The following TMPRSS7 variants were observed in gnomAD, a reference collection of about 807,000 sequenced individuals.
TMPRSS7 encodes the protein transmembrane protease serine 7.
A neutral mutation model predicts 95.6 loss-of-function variants in TMPRSS7; 81 were observed. The observed-to-expected ratio is 0.85, with a 90% CI of 0.71 to 1.02. TMPRSS7 has a LOEUF of 1.02. Among genes scored for constraint, TMPRSS7 ranks in the 50% least tolerant of loss-of-function variants. TMPRSS7 has a pLI of 0.00. For synonymous variants in TMPRSS7, 364 were observed against 337.8 expected (o/e 1.08, Z -0.85); for missense variants, 945 against 955.2 (o/e 0.99, Z 0.14).
intron 1 of TMPRSS7, among the ~76,000 whole-genome samples, chr3:112,035,342 TTCCTGCAGGACA>T (rs1366345434): frequency 6.6e-6 from 1 of 152,222 alleles, no homozygotes; most frequent in Non-Finnish European, 1.5e-5. Flanking sequence ...CCAGTCCTCA[TTCCTGCAGGACA>T]CCACATTAAA....
At position 112,057,130 on chromosome 3, in the gene TMPRSS7, A is replaced by G; in HGVS notation, c.1309A>G (p.Met437Val). The change falls in exon 10 of 18, where the codon ATG becomes GTG. Residue 437 changes from methionine (M) to valine (V), a missense_variant and splice_region_variant. Transcript: ENST00000452346. Reference sequence around the variant, plus strand: ...TGGATGGTGGGAAATTAATGAGCACATGTAAGTGATTTTCATATGTTTTCA... The same window carrying G: ...TGGATGGTGGGAAATTAATGAGCACGTGTAAGTGATTTTCATATGTTTTCA... 1 of 1,600,126 alleles carries G rather than the reference A, an allele frequency of 6.2e-7. No individual in the cohort carries two copies. Among genetic ancestry groups the G allele is most frequent in the Non-Finnish European group, 8.6e-7 (1 of 1,168,484 alleles).
At chr3:112,037,624 C>T (rs9862289) in intron 1 of TMPRSS7, among the ~76,000 whole-genome samples, 33,079 of 152,110 alleles carry the variant, frequency 0.22, 4,523 homozygotes, top group Middle Eastern at 0.34. Flanking sequence ...TCATACACTA[C>T]CTCCCCTTTG....
At chr3:112,079,232 T>A (rs2073749582) in intron 17 of TMPRSS7, among the ~76,000 whole-genome samples, 1 of 152,216 alleles carries the variant, frequency 6.6e-6, no homozygotes, top group Non-Finnish European at 1.5e-5. Flanking sequence ...TACTCATTCC[T>A]TTGAAGTATA....
chr3:112,057,275 G>C, intron 10 of TMPRSS7, 144 bp downstream of exon 10: 1 of 610,736 alleles, frequency 1.6e-6, no homozygotes, highest in African/African-American at 1.9e-5. Context: ...CTTGCTCAAG[G>C]CCATGCAGCT....
At chr3:112,045,380 T>C (rs549209807) in intron 4 of TMPRSS7, among the ~76,000 whole-genome samples, 1 of 152,306 alleles carries the variant, frequency 6.6e-6, no homozygotes, top group African/African-American at 2.4e-5. Flanking sequence ...ACTCCTGACC[T>C]CAGGTGATCT....
intron 9 of TMPRSS7, among the ~76,000 whole-genome samples, chr3:112,053,006 G>T (rs2073381453): frequency 6.6e-6 from 1 of 152,042 alleles, no homozygotes; most frequent in African/African-American, 2.4e-5. Context: ...GGAAACAGCA[G>T]GACAAACGTG....
chr3:112,049,441 G>A (rs908010406), intron 7 of TMPRSS7, among the ~76,000 whole-genome samples: 9 of 152,134 alleles, frequency 5.9e-5, no homozygotes, highest in South Asian at 2.1e-4. Flanking sequence ...CTACCATTGC[G>A]TAGAAGAGAA....
intron 3 of TMPRSS7, among the ~76,000 whole-genome samples, chr3:112,043,378 A>G (rs533859859): frequency 1.5e-4 from 23 of 152,152 alleles, no homozygotes; most frequent in Non-Finnish European, 2.8e-4. Context: ...GTGGCATATG[A>G]CTGTATACCA....
At chr3:112,069,986 C>T (rs1040282081) in intron 13 of TMPRSS7, among the ~76,000 whole-genome samples, 1 of 152,196 alleles carries the variant, frequency 6.6e-6, no homozygotes, top group Non-Finnish European at 1.5e-5. Flanking sequence ...TTTCCCTCTA[C>T]ACACCGCTTT....
intron 9 of TMPRSS7, among the ~76,000 whole-genome samples, chr3:112,055,653 G>C (rs893518907): frequency 6.6e-6 from 1 of 151,994 alleles, no homozygotes; most frequent in East Asian, 1.9e-4. Context: ...ATTCAATAAG[G>C]CTGAACAAAA....
chr3:112,081,154 T>C, exon 18 of TMPRSS7: 2 of 1,473,512 alleles, frequency 1.4e-6, no homozygotes, highest in Non-Finnish European at 1.8e-6. Flanking sequence ...AGTAATTGGC[T>C]GGGTGCGCTG....
At chr3:112,065,360 T>C (rs1186117530) in intron 12 of TMPRSS7, among the ~76,000 whole-genome samples, 5 of 152,220 alleles carry the variant, frequency 3.3e-5, no homozygotes, top group African/African-American at 7.2e-5. Flanking sequence ...ATTTTTTTAA[T>C]TGACAAAACA....
chr3:112,047,162 G>A, intron 6 of TMPRSS7, 150 bp downstream of exon 6: 1 of 632,824 alleles, frequency 1.6e-6, no homozygotes, highest in Non-Finnish European at 2.8e-6. Flanking sequence ...AAAGAAACTT[G>A]ACTGGCTCAT....
In TMPRSS7 at chr3:112,061,869, A is replaced by T. The variant is rs182776846; in HGVS notation, c.1393A>T (p.Arg465Trp). 8.4e-4 allele frequency: 1,357 copies of T among 1,612,120 alleles called. 12 individuals carry two copies. The African/African-American group carries it at 0.017, about 20-fold the overall frequency. Residue 465 changes from arginine (R) to tryptophan (W), a missense_variant, in exon 11 of 18, where the codon AGG becomes TGG. Transcript: ENST00000452346. ...TCACATTCAGCTCCAGTGCAGTTCA[A>T]GGCTTTCAGACAAGCCACTTTTGGC...
chr3:112,074,612 C>G (rs760585751), intron 14 of TMPRSS7, among the ~76,000 whole-genome samples, 200 bp downstream of exon 14: 1 of 152,180 alleles, frequency 6.6e-6, no homozygotes, highest in Non-Finnish European at 1.5e-5. Flanking sequence ...TTCTTGATAA[C>G]AGCATTAATG....
chr3:112,040,586 C>A (rs1373128767), intron 2 of TMPRSS7, among the ~76,000 whole-genome samples: 1 of 152,128 alleles, frequency 6.6e-6, no homozygotes, highest in East Asian at 1.9e-4. Flanking sequence ...ACACACACAA[C>A]CCCAACCCAG....
At chr3:112,066,691 C>T (rs2073580242) in intron 13 of TMPRSS7, among the ~76,000 whole-genome samples, 189 bp downstream of exon 13, 1 of 152,004 alleles carries the variant, frequency 6.6e-6, no homozygotes, top group Non-Finnish European at 1.5e-5. Flanking sequence ...CAAATAGGGA[C>T]AGTTGGTCAC....
chr3:112,068,311 C>G (rs927190103), intron 13 of TMPRSS7, among the ~76,000 whole-genome samples: 2 of 152,176 alleles, frequency 1.3e-5, no homozygotes, highest in African/African-American at 4.8e-5. Flanking sequence ...AATGCAGGCT[C>G]TTTTTTGGTT....
At chr3:112,080,551 C>A (rs113083841) in intron 17 of TMPRSS7, among the ~76,000 whole-genome samples, 7,063 of 115,206 alleles carry the variant, frequency 0.061, 181 homozygotes, top group African/African-American at 0.09. Flanking sequence ...CTACTACCAC[C>A]ACTACTACTA....
Sources: allele counts gnomAD v4.1 joint callset (sites outside exome capture counted in the v4.1 genomes callset), GRCh38; gene constraint gnomAD v4.1.1; transcripts MANE v1.5; gene names NCBI Gene and HGNC (gene_info 2026-07-23, HGNC 2026-07-21).